The following NOL12 variants were observed in gnomAD, a reference collection of about 807,000 sequenced individuals.
The protein encoded by NOL12 is nucleolar protein 12.
NOL12 carries 21 observed loss-of-function variants against 25.2 expected under a neutral mutation model. The ratio of observed to expected loss-of-function variants is 0.83; its 90% CI spans 0.59 to 1.20. NOL12 has a LOEUF of 1.20. Ranked by LOEUF, NOL12 falls within the 50% of genes most tolerant of loss-of-function variation. The pLI is 0.00. For synonymous variants in NOL12, 133 were observed against 113.8 expected (o/e 1.17, Z -1.08); for missense variants, 286 against 287.6 (o/e 0.99, Z 0.04).
Position 37,686,367 on chromosome 22 carries a change from G to A in NOL12, c.-26G>A, listed in dbSNP as rs754142361. 24 of 1,580,826 alleles carry A rather than the reference G, an allele frequency of 1.5e-5. No homozygotes were observed. Among genetic ancestry groups the A allele is most frequent in the South Asian group, 8.1e-5 (7 of 86,262 alleles). Reference sequence around the variant, plus strand: ...CGCTACACCCGGAAGTGTCTTCAGGGAGAGGAAGCCGGCGGCCTCACTGCT... The same window carrying A: ...CGCTACACCCGGAAGTGTCTTCAGGAAGAGGAAGCCGGCGGCCTCACTGCT... On this transcript the variant is annotated 5_prime_UTR_variant, in exon 1 of 6. Coordinates refer to ENST00000359114, the MANE Select transcript of NOL12 (RefSeq NM_024313.3).
chr22:37,686,462 G>C lies in NOL12; in HGVS notation c.70G>C (p.Glu24Gln), dbSNP rs1921817920. ...GCCGAGGCTCGTTCTTAGCTTCGACGAGGAGAAGAGGCGGTGAGTGGCAAA... is the reference window on the plus strand; with the variant it reads ...GCCGAGGCTCGTTCTTAGCTTCGACCAGGAGAAGAGGCGGTGAGTGGCAAA... The part of the protein sequence containing the change: ...RRPRLVLSFD[E>Q]EKRREYLTGF... Residue 24 changes from glutamate to glutamine, a missense_variant, in exon 1 of 6, where the codon GAG (glutamate) becomes CAG (glutamine). Glu to Gln is a conservative substitution (Grantham distance 29). Coordinates refer to ENST00000359114, the MANE Select transcript of NOL12 (RefSeq NM_024313.3). 1 of 1,601,964 alleles carries C rather than the reference G, an allele frequency of 6.2e-7. No individual in the cohort carries two copies. Among genetic ancestry groups the C allele is most frequent in the Non-Finnish European group, 8.5e-7 (1 of 1,175,564 alleles).
At chr22:37,687,682 T>A in intron 1 of NOL12, 1 of 386,866 alleles carries the variant, frequency 2.6e-6, no homozygotes, top group Non-Finnish European at 4.9e-6. Flanking sequence ...GGTCTTGAAC[T>A]CCTGGCGTCA....
In NOL12 at chr22:37,688,845, C is replaced by G; in HGVS notation, c.239-5C>G. On this transcript the variant is annotated splice_polypyrimidine_tract_variant and splice_region_variant and intron_variant, in intron 3 of 5. Coordinates refer to ENST00000359114, the MANE Select transcript of NOL12 (RefSeq NM_024313.3). The stretch of plus-strand genomic sequence containing the variant: ...CTGAGACCAGGTCTGTGTCCACCCC[C>G]ACAGAGGAGGCAGATGAGCTGGACC... The G allele has an allele frequency of 6.2e-7, 1 of 1,613,992 alleles. No homozygotes were observed. Among genetic ancestry groups the G allele is most frequent in the Non-Finnish European group, 8.5e-7 (1 of 1,179,984 alleles).
At position 37,687,835 on chromosome 22, in the gene NOL12, C is replaced by T. The variant is rs141033088; in HGVS notation, c.84-75C>T. On this transcript the variant is annotated intron_variant, in intron 1 of 5. Coordinates refer to ENST00000359114, the MANE Select transcript of NOL12 (RefSeq NM_024313.3). ...TAGCACATAGTGAGCGCGGCATTAGCCATTTTTCTCCTAGAGCGAGCCCTT... is the reference window on the plus strand; with the variant it reads ...TAGCACATAGTGAGCGCGGCATTAGTCATTTTTCTCCTAGAGCGAGCCCTT... The T allele has an allele frequency of 9.1e-4, 1,040 of 1,140,226 alleles. 8 individuals are homozygous for T. In the African/African-American group the frequency reaches 0.015, roughly 16 times the overall value. The allele number at this position is 1,140,226 out of a possible 1,614,324, so 70.6% of individuals were successfully genotyped here. A position where few individuals can be genotyped will look rare whatever the true frequency, so the allele number is the denominator to read the frequency against.
chr22:37,688,397 G>A lies in NOL12; in HGVS notation c.238+37G>A, dbSNP rs6000861. On this transcript the variant is annotated intron_variant, in intron 3 of 5. Transcript: ENST00000359114. ...GCTTGGCCTGACCTGGAGAACAGCT[G>A]ATGGGCCTGGTTTATACCCTTGGTG... The A allele has an allele frequency of 0.012, 18,954 of 1,606,238 alleles. 1,420 individuals carry two copies. The African/African-American group carries it at 0.19, about 16-fold the overall frequency.
Position 37,692,708 on chromosome 22 carries a change from C to T in NOL12, c.*1372C>T, listed in dbSNP as rs980931163. ...ATCTGCGACAGGACTGCGGGCTCTACCCGCCCTGATGTGGGAGCTCCTGGA... is the reference window on the plus strand; with the variant it reads ...ATCTGCGACAGGACTGCGGGCTCTATCCGCCCTGATGTGGGAGCTCCTGGA... On this transcript the variant is annotated 3_prime_UTR_variant, in exon 6 of 6. Transcript: ENST00000359114. 2.5e-6 allele frequency: 1 copy of T among 399,034 alleles called. No individual in the cohort carries two copies. The highest frequency in any genetic ancestry group is 2.1e-5 in the African/African-American group (1 of 48,648). 24.7% of individuals were successfully genotyped at this position (399,034 alleles called of 1,614,324 possible). A position where few individuals can be genotyped will look rare whatever the true frequency, so the allele number is the denominator to read the frequency against.
chr22:37,690,703 G>A lies in NOL12; in HGVS notation c.388G>A (p.Ala130Thr). The change falls in exon 5 of 6, where the codon GCT becomes ACT. Residue 130 changes from alanine (A) to threonine (T), a missense_variant. Coordinates refer to ENST00000359114, the MANE Select transcript of NOL12 (RefSeq NM_024313.3). ...LLGLTPPEGG[A>T]GDRSEEEASS... Reference sequence around the variant, plus strand: ...TTGTCTTGTGCCTCTTTAGGGAGGGGCTGGAGACAGGTCTGAGGAGGAGGC... The same window carrying A: ...TTGTCTTGTGCCTCTTTAGGGAGGGACTGGAGACAGGTCTGAGGAGGAGGC... 1 of 1,612,748 alleles carries A rather than the reference G, an allele frequency of 6.2e-7. No homozygotes were observed. The highest frequency in any genetic ancestry group is 2.2e-5 in the East Asian group (1 of 44,836).
At chr22:37,688,788 G>A (rs1921932851) in intron 3 of NOL12, 62 bp from the exon 4 acceptor site, 1 of 1,589,854 alleles carries the variant, frequency 6.3e-7, no homozygotes, top group South Asian at 1.1e-5. Flanking sequence ...AGGGCGGGAG[G>A]GAGGCTGGAG....
intron 4 of NOL12, among the ~76,000 whole-genome samples, chr22:37,690,133 T>C (rs1197880581): frequency 1.3e-5 from 2 of 152,092 alleles, no homozygotes; most frequent in Non-Finnish European, 2.9e-5. Context: ...ATCGTGCCAT[T>C]GCACTCCAGC....
At chr22:37,688,458 G>A (rs1921919991) in intron 3 of NOL12, 98 bp downstream of exon 3, 2 of 1,276,676 alleles carry the variant, frequency 1.6e-6, no homozygotes, top group African/African-American at 2.9e-5. Flanking sequence ...CTTGGCCCTA[G>A]GGATCTTGGG....
At chr22:37,687,869 G>C in intron 1 of NOL12, 41 bp from the exon 2 acceptor site, 1 of 1,477,898 alleles carries the variant, frequency 6.8e-7, no homozygotes, top group East Asian at 2.5e-5. Context: ...TTCTCTCCTT[G>C]TATAATGACT....
chr22:37,689,033 G>A (rs372069645), intron 4 of NOL12, 41 bp downstream of exon 4: 2 of 1,601,302 alleles, frequency 1.2e-6, no homozygotes, highest in South Asian at 1.1e-5. Flanking sequence ...GGGCGTGGGG[G>A]CAGACCAGCT....
rs2145800253 is a variant in NOL12, at chr22:37,692,810, AGGCTTAGTGACTGTGC to A, written c.*1475_*1490del. On this transcript the variant is annotated 3_prime_UTR_variant, in exon 6 of 6. Transcript: ENST00000359114. ...CAACAGCCAGGCCTTACAGTGGGGC[AGGCTTAGTGACTGTGC>A]CTCAGTTATGCTGTACCTGGGAGTG... 2.5e-6 allele frequency: 1 copy of A among 397,960 alleles called. No individual in the cohort carries two copies. The highest frequency in any genetic ancestry group is 1.4e-4 in the South Asian group (1 of 7,174). 24.7% of individuals were successfully genotyped at this position (397,960 alleles called of 1,614,324 possible).
intron 4 of NOL12, 106 bp downstream of exon 4, chr22:37,689,098 G>A: frequency 7.3e-7 from 1 of 1,363,016 alleles, no homozygotes; most frequent in Admixed American, 1.8e-5. Context: ...GCCAGCCCTG[G>A]GAAGAAGGGG....
intron 2 of NOL12, 110 bp downstream of exon 2, chr22:37,688,125 G>A: frequency 8.9e-7 from 1 of 1,120,242 alleles, no homozygotes; most frequent in Non-Finnish European, 1.3e-6. Flanking sequence ...GTGTGGGCAG[G>A]ACTGGGGAAT....
At chr22:37,686,656 CCTT>C (rs1921829424) in intron 1 of NOL12, 181 bp downstream of exon 1, 1 of 985,412 alleles carries the variant, frequency 1.0e-6, no homozygotes, top group Non-Finnish European at 1.2e-6. Context: ...CCACCTTCTC[CCTT>C]CTTGACCTCC....
At position 37,692,759 on chromosome 22, in the gene NOL12, C is replaced by A; in HGVS notation, c.*1423C>A. The A allele has an allele frequency of 2.5e-6, 1 of 398,942 alleles. No homozygotes were observed. Among genetic ancestry groups the A allele is most frequent in the South Asian group, 1.3e-4 (1 of 7,754 alleles). 24.7% of individuals were successfully genotyped at this position (398,942 alleles called of 1,614,324 possible). On this transcript the variant is annotated 3_prime_UTR_variant, in exon 6 of 6. Transcript: ENST00000359114. Reference sequence around the variant, plus strand: ...GTGGGGGTGAGCAGTGAGCCAGGGTCTGCAGGGCTGTCCTCTCTCCACAGC... The same window carrying A: ...GTGGGGGTGAGCAGTGAGCCAGGGTATGCAGGGCTGTCCTCTCTCCACAGC...
intron 1 of NOL12, chr22:37,686,907 G>T (rs1921840282): frequency 2.0e-6 from 2 of 985,456 alleles, no homozygotes; most frequent in Non-Finnish European, 2.4e-6. Context: ...CAGAACCTCT[G>T]AGCCTCAGCG....
At position 37,686,380 on chromosome 22, in the gene NOL12, C is replaced by G. The variant is rs780926706; in HGVS notation, c.-13C>G. The G allele has an allele frequency of 6.3e-7, 1 of 1,586,982 alleles. No homozygotes were observed. Among genetic ancestry groups the G allele is most frequent in the Non-Finnish European group, 8.5e-7 (1 of 1,169,798 alleles). On this transcript the variant is annotated 5_prime_UTR_variant, in exon 1 of 6. Coordinates refer to ENST00000359114, the MANE Select transcript of NOL12 (RefSeq NM_024313.3). ...AGTGTCTTCAGGGAGAGGAAGCCGGCGGCCTCACTGCTATGGGCCGCAACA... is the reference window on the plus strand; with the variant it reads ...AGTGTCTTCAGGGAGAGGAAGCCGGGGGCCTCACTGCTATGGGCCGCAACA...
Sources: allele counts gnomAD v4.1 joint callset (sites outside exome capture counted in the v4.1 genomes callset), GRCh38; gene constraint gnomAD v4.1.1; transcripts MANE v1.5; gene names NCBI Gene and HGNC (gene_info 2026-07-23, HGNC 2026-07-21).